FBXO11: variants seen among roughly 807,000 people sequenced by gnomAD.
FBXO11 encodes the protein F-box only protein 11.
A neutral mutation model predicts 117.0 loss-of-function variants in FBXO11; 13 were observed. The ratio of observed to expected loss-of-function variants is 0.11; its 90% CI spans 0.07 to 0.18. The LOEUF (loss-of-function observed/expected upper bound fraction) is 0.18. Among genes scored for constraint, FBXO11 ranks in the 10% least tolerant of loss-of-function variants. The pLI is 1.00. For synonymous variants in FBXO11, 490 were observed against 380.5 expected, an observed-to-expected ratio of 1.29 and a Z score of -3.35; for missense variants, 767 against 1,164.4, an observed-to-expected ratio of 0.66 and a Z score of 4.97.
intron 1 of FBXO11, among the ~76,000 whole-genome samples, chr2:47,893,074 G>T (rs953066565): frequency 2.0e-5 from 3 of 151,908 alleles, no homozygotes; most frequent in Non-Finnish European, 2.9e-5. Flanking sequence ...AGAACTGCTT[G>T]AACCCAGGAG....
intron 1 of FBXO11, among the ~76,000 whole-genome samples, chr2:47,856,334 AAAACTAAGGTGT>A (rs1674292361): frequency 6.6e-6 from 1 of 152,264 alleles, no homozygotes; most frequent in Non-Finnish European, 1.5e-5. Flanking sequence ...ATATTTCAGC[AAAACTAAGGTGT>A]AAACACCAAA....
intron 16 of FBXO11, among the ~76,000 whole-genome samples, chr2:47,817,654 T>C (rs753557570): frequency 3.9e-5 from 6 of 152,242 alleles, no homozygotes; most frequent in African/African-American, 7.2e-5. Context: ...TCAATACTTA[T>C]AGAGGCCATT....
At chr2:47,823,090 A>T in intron 12 of FBXO11, 53 bp downstream of exon 12, 1 of 1,331,962 alleles carries the variant, frequency 7.5e-7, no homozygotes, top group Non-Finnish European at 1.0e-6. Context: ...CTTGACTTTT[A>T]AGCAAACCTT....
chr2:47,850,307 G>A (rs1172036023), intron 1 of FBXO11, among the ~76,000 whole-genome samples: 1 of 152,082 alleles, frequency 6.6e-6, no homozygotes, highest in Non-Finnish European at 1.5e-5. Context: ...TGAGTTTTGA[G>A]GTACCTGTGA....
Position 47,807,077 on chromosome 2 carries a change from C to G in FBXO11, c.*1041G>C, listed in dbSNP as rs534233338. ...ATGTTATGGTACATGCATACACTTT[C>G]AGGCTGTTTTATACCCACTGTCACC... On this transcript the variant is annotated 3_prime_UTR_variant, in exon 23 of 23. Coordinates refer to ENST00000403359, the MANE Select transcript of FBXO11 (RefSeq NM_001190274.2). 3.5e-5 allele frequency: 19 copies of G among 549,860 alleles called. No homozygotes were observed. In the South Asian group the frequency reaches 4.0e-4, roughly 12 times the overall value. 34.1% of individuals were successfully genotyped at this position (549,860 alleles called of 1,614,324 possible). A position where few individuals can be genotyped will look rare whatever the true frequency, so the allele number is the denominator to read the frequency against.
At chr2:47,865,348 A>G (rs192857736) in intron 1 of FBXO11, among the ~76,000 whole-genome samples, 136 of 152,366 alleles carry the variant, frequency 8.9e-4, no homozygotes, top group African/African-American at 2.8e-3. Flanking sequence ...CCAATGGGCT[A>G]CAGGTGTCCT....
chr2:47,841,532 C>T (rs1364082582), intron 1 of FBXO11, among the ~76,000 whole-genome samples: 1 of 152,164 alleles, frequency 6.6e-6, no homozygotes, highest in Non-Finnish European at 1.5e-5. Context: ...AGAAACTCTA[C>T]AGGTCCAACT....
Position 47,905,644 on chromosome 2 carries a change from T to C in FBXO11, c.77A>G (p.Gln26Arg). The C allele has an allele frequency of 7.0e-7, 1 of 1,432,354 alleles. No individual in the cohort carries two copies. The highest frequency in any genetic ancestry group is 9.2e-7 in the Non-Finnish European group (1 of 1,088,148). The allele number at this position is 1,432,354 out of a possible 1,614,324, so 88.7% of individuals were successfully genotyped here. A position where few individuals can be genotyped will look rare whatever the true frequency, so the allele number is the denominator to read the frequency against. The change falls in exon 1 of 23, where the codon CAG becomes CGG. Residue 26 changes from glutamine (Q) to arginine (R), a missense_variant. This residue lies in a region of FBXO11 where 355 missense variants were observed against 299.8 expected (regional missense o/e 1.18). Coordinates refer to ENST00000403359, the MANE Select transcript of FBXO11 (RefSeq NM_001190274.2). Reference protein sequence around the residue: ...RPRPVQQQQQQPPQQPPPQPP... With the variant: ...RPRPVQQQQQRPPQQPPPQPP... ...CTGCGGCGGCGGCTGCTGCGGGGGC[T>C]GCTGCTGCTGTTGCTGCACCGGGCG...
intron 1 of FBXO11, among the ~76,000 whole-genome samples, chr2:47,904,581 AACACACACACAC>A (rs112758707): frequency 0.072 from 10,652 of 147,606 alleles, 876 homozygotes; most frequent in African/African-American, 0.2. Flanking sequence ...CGCGCGCGCA[AACACACACACAC>A]ACACACACAC....
intron 1 of FBXO11, among the ~76,000 whole-genome samples, chr2:47,865,435 T>C (rs182709915): frequency 3.3e-5 from 5 of 152,184 alleles, no homozygotes; most frequent in Non-Finnish European, 7.4e-5. Flanking sequence ...CTAGAAAGAA[T>C]GTTGGAGAGT....
chr2:47,864,688 T>C (rs1675062854), intron 1 of FBXO11, among the ~76,000 whole-genome samples: 1 of 152,206 alleles, frequency 6.6e-6, no homozygotes. Flanking sequence ...ATAGAGGCTC[T>C]GTCAAGATGA....
intron 11 of FBXO11, among the ~76,000 whole-genome samples, chr2:47,824,118 A>G (rs1266672165): frequency 6.6e-6 from 1 of 152,254 alleles, no homozygotes; most frequent in African/African-American, 2.4e-5. Flanking sequence ...GTAGACGAAT[A>G]CCATTAACTA....
intron 1 of FBXO11, chr2:47,883,779 T>A (rs1676611777): frequency 4.3e-6 from 1 of 233,402 alleles, no homozygotes; most frequent in Non-Finnish European, 8.8e-6. Flanking sequence ...TGTATGAGAA[T>A]GGTAAAATTA....
chr2:47,841,886 A>C (rs536186674), intron 1 of FBXO11, among the ~76,000 whole-genome samples: 2 of 150,594 alleles, frequency 1.3e-5, no homozygotes, highest in South Asian at 4.3e-4. Context: ...TGATCCCCCC[A>C]CCTCGGCCTC....
chr2:47,863,800 G>A lies in FBXO11; in HGVS notation c.233-24031C>T, dbSNP rs925544151. ...TACTAAAAATATAAAAATAAGCTGG[G>A]TATGGTGGCACATGCCTGTAATCCC... On this transcript the variant is annotated intron_variant, in intron 1 of 22. Coordinates refer to ENST00000403359, the MANE Select transcript of FBXO11 (RefSeq NM_001190274.2). Among the ~76,000 whole-genome samples the A allele has an allele frequency of 2.0e-5, 3 of 152,124 alleles. 1 individual carries two copies. In the South Asian group the frequency reaches 6.2e-4, roughly 31 times the overall value.
At chr2:47,863,694 A>G (rs574038444) in intron 1 of FBXO11, among the ~76,000 whole-genome samples, 27 of 152,320 alleles carry the variant, frequency 1.8e-4, no homozygotes, top group South Asian at 4.1e-4. Flanking sequence ...GCTCATGCCT[A>G]TAATCCCTGC....
intron 1 of FBXO11, among the ~76,000 whole-genome samples, chr2:47,850,293 A>AT (rs1361643013): frequency 2.6e-5 from 4 of 152,162 alleles, no homozygotes; most frequent in Non-Finnish European, 5.9e-5. Context: ...AAGGGTTTCA[A>AT]TTTTGAGTTT....
intron 1 of FBXO11, among the ~76,000 whole-genome samples, chr2:47,878,529 G>A (rs927765501): frequency 1.3e-5 from 2 of 151,726 alleles, no homozygotes; most frequent in Non-Finnish European, 2.9e-5. Context: ...GCTAATTTTT[G>A]TATTTTCAGT....
chr2:47,811,432 C>G (rs1419193198), intron 18 of FBXO11: 1 of 152,280 alleles, frequency 6.6e-6, no homozygotes, highest in African/African-American at 2.4e-5. Context: ...CCAGGCTGGT[C>G]TCAAACTCCT....
Sources: gnomAD v4.1 joint callset for allele counts (sites outside exome capture counted in the v4.1 genomes callset) on GRCh38, gnomAD v4.1.1 for gene constraint, gnomAD v4.1.1 regional missense constraint, MANE v1.5 for transcripts, NCBI Gene and HGNC (gene_info 2026-07-23, HGNC 2026-07-21) for gene names.